The following PRLR variants were observed in gnomAD, a reference collection of about 807,000 sequenced individuals.
PRLR encodes hPRL receptor.
Under a neutral mutation model 40.2 loss-of-function variants are expected in PRLR, and 13 were observed. The ratio of observed to expected loss-of-function variants is 0.32; its 90% CI spans 0.21 to 0.51. The LOEUF (loss-of-function observed/expected upper bound fraction) is 0.51, where lower values mean the gene tolerates loss of function less well. Ranked by LOEUF, PRLR falls within the 20% of genes least tolerant of loss-of-function variation. The pLI, the probability that PRLR is intolerant of heterozygous loss-of-function variation, is 0.97. For missense variants in PRLR, 656 were observed against 747.3 expected (o/e 0.88, Z 1.42); for synonymous variants, 269 against 278.7 (o/e 0.97, Z 0.35).
intron 1 of PRLR, among the ~76,000 whole-genome samples, chr5:35,183,743 A>T (rs1487640311): frequency 6.6e-6 from 1 of 152,206 alleles, no homozygotes; most frequent in African/African-American, 2.4e-5. Flanking sequence ...GCAGATGCAC[A>T]TGTGGGCATG....
At chr5:35,093,368 G>A (rs1341517093) in intron 2 of PRLR, among the ~76,000 whole-genome samples, 1 of 152,158 alleles carries the variant, frequency 6.6e-6, no homozygotes, top group East Asian at 1.9e-4. Flanking sequence ...TCACCTTTAT[G>A]TTCTGGCCTA....
chr5:35,131,755 G>T (rs59924111), intron 1 of PRLR, among the ~76,000 whole-genome samples: 3,071 of 152,256 alleles, frequency 0.02, 121 homozygotes, highest in African/African-American at 0.071. Flanking sequence ...CTCAAGTGAA[G>T]TTATCACAGT....
rs1774262079 is a variant in PRLR at position 35,148,913 on chromosome 5, T to C, written c.-105-30791A>G. 2.6e-5 allele frequency among the ~76,000 whole-genome samples: 4 copies of C among 152,082 alleles called. No homozygotes were observed. In the South Asian group the frequency reaches 8.3e-4, roughly 32 times the overall value. ...AGTTCTAAGGGGTCTTGGAAGTATA[T>C]ATAGATACAGAATTTTAAATATCAA... On this transcript the variant is annotated intron_variant, in intron 1 of 9. Coordinates refer to ENST00000618457, the MANE Select transcript of PRLR (RefSeq NM_000949.7).
intron 1 of PRLR, among the ~76,000 whole-genome samples, chr5:35,131,994 T>C (rs533277513): frequency 6.6e-6 from 1 of 152,292 alleles, no homozygotes; most frequent in South Asian, 2.1e-4. Flanking sequence ...CTTATACCTT[T>C]GGCATTTCCC....
At chr5:35,095,205 G>A (rs1003171345) in intron 2 of PRLR, among the ~76,000 whole-genome samples, 1 of 152,144 alleles carries the variant, frequency 6.6e-6, no homozygotes, top group East Asian at 1.9e-4. Context: ...TGCTCAGGGC[G>A]GGAAGAGGAA....
In PRLR at chr5:35,064,723, C is replaced by G. The variant is rs562971710; in HGVS notation, c.*366G>C. On this transcript the variant is annotated 3_prime_UTR_variant, in exon 10 of 10. Coordinates refer to ENST00000618457, the MANE Select transcript of PRLR (RefSeq NM_000949.7). Reference sequence around the variant, plus strand: ...TGGAAAATTTTCTTTTGTCATCTTTCTATGGTAAACAATTTTGACAATTTC... The same window carrying G: ...TGGAAAATTTTCTTTTGTCATCTTTGTATGGTAAACAATTTTGACAATTTC... The G allele has an allele frequency of 5.8e-6, 1 of 173,304 alleles. No homozygotes were observed. Among genetic ancestry groups the G allele is most frequent in the Non-Finnish European group, 1.2e-5 (1 of 80,918 alleles). 10.7% of individuals were successfully genotyped at this position (173,304 alleles called of 1,614,324 possible). A position where few individuals can be genotyped will look rare whatever the true frequency, so the allele number is the denominator to read the frequency against.
At chr5:35,214,228 T>C (rs113804891) in intron 1 of PRLR, among the ~76,000 whole-genome samples, 21 of 152,324 alleles carry the variant, frequency 1.4e-4, no homozygotes, top group African/African-American at 4.6e-4. Flanking sequence ...TCATCTCCCT[T>C]GAGGAGTTTT....
At chr5:35,226,740 C>T (rs1776563615) in intron 1 of PRLR, among the ~76,000 whole-genome samples, 1 of 152,166 alleles carries the variant, frequency 6.6e-6, no homozygotes, top group Non-Finnish European at 1.5e-5. Flanking sequence ...CCCTCTGTAG[C>T]CTTCAGCCTC....
intron 3 of PRLR, 87 bp downstream of exon 3, chr5:35,089,464 T>C: frequency 1.1e-6 from 1 of 872,220 alleles, no homozygotes; most frequent in South Asian, 1.4e-5. Flanking sequence ...TTTTTCATAA[T>C]GGCATTGCAA....
intron 1 of PRLR, among the ~76,000 whole-genome samples, chr5:35,229,104 T>TA (rs1776625808): frequency 6.7e-6 from 1 of 148,268 alleles, no homozygotes; most frequent in Admixed American, 6.8e-5. Flanking sequence ...CATTAAACAT[T>TA]TATATATATA....
rs553179604 is a variant in PRLR, at chr5:35,185,296, T to C, written c.-106+44972A>G. 2.6e-5 allele frequency among the ~76,000 whole-genome samples: 4 copies of C among 152,338 alleles called. No homozygotes were observed. In the South Asian group the frequency reaches 8.3e-4, roughly 32 times the overall value. On this transcript the variant is annotated intron_variant, in intron 1 of 9. Transcript: ENST00000618457. ...AAGAGCTTACCATTATTTAGAGTTA[T>C]TTTATACAAGGAATGAAATTCTCTT...
chr5:35,070,841 C>CAAAAAAAAAAAAAAAAA (rs34668616), intron 6 of PRLR, among the ~76,000 whole-genome samples: 1 of 69,160 alleles, frequency 1.4e-5, no homozygotes, highest in Non-Finnish European at 3.1e-5. Context: ...AACTCCGTCT[C>CAAAAAAAAAAAAAAAAA]AAAAAAAAAA....
At chr5:35,091,220 C>G (rs577225145) in intron 2 of PRLR, among the ~76,000 whole-genome samples, 74 of 152,212 alleles carry the variant, frequency 4.9e-4, no homozygotes, top group African/African-American at 1.7e-3. Flanking sequence ...TCTACCTGCT[C>G]CTACAAGATT....
chr5:35,119,865 A>G lies in PRLR; in HGVS notation c.-105-1743T>C, dbSNP rs531649401. Among the ~76,000 whole-genome samples, 4 of 152,300 alleles carry G rather than the reference A, an allele frequency of 2.6e-5. No individual in the cohort carries two copies. In the South Asian group the frequency reaches 8.3e-4, roughly 32 times the overall value. The stretch of plus-strand genomic sequence containing the variant: ...GGGGGTGGGACATCTGGAACAGCAG[A>G]TAGCAGCAGTGAGGGCTTCGGGGCA... On this transcript the variant is annotated intron_variant, in intron 1 of 9. Transcript: ENST00000618457.
At chr5:35,072,251 A>T (rs1769793150) in intron 6 of PRLR, among the ~76,000 whole-genome samples, 1 of 152,086 alleles carries the variant, frequency 6.6e-6, no homozygotes, top group Admixed American at 6.6e-5. Context: ...TATGGACGGG[A>T]TATACTGAGA....
At chr5:35,115,598 G>A (rs1238837774) in intron 2 of PRLR, among the ~76,000 whole-genome samples, 1 of 152,178 alleles carries the variant, frequency 6.6e-6, no homozygotes, top group African/African-American at 2.4e-5. Context: ...AGAGTTAAGG[G>A]CAGAAGTGTG....
chr5:35,078,586 A>G (rs896462056), intron 5 of PRLR, among the ~76,000 whole-genome samples: 3 of 152,122 alleles, frequency 2.0e-5, no homozygotes, highest in Non-Finnish European at 4.4e-5. Flanking sequence ...AAAAAAAAAA[A>G]GTCCAGGACC....
intron 1 of PRLR, among the ~76,000 whole-genome samples, chr5:35,145,664 G>C (rs761640448): frequency 2.0e-5 from 3 of 152,134 alleles, no homozygotes; most frequent in Non-Finnish European, 4.4e-5. Flanking sequence ...ATTAACACAG[G>C]GGTCTTAATT....
At chr5:35,139,416 C>A (rs1215589286) in intron 1 of PRLR, among the ~76,000 whole-genome samples, 1 of 152,092 alleles carries the variant, frequency 6.6e-6, no homozygotes, top group African/African-American at 2.4e-5. Flanking sequence ...CTGCACCAGG[C>A]CAGCCCTACA....
Sources: gnomAD v4.1 joint callset for allele counts (sites outside exome capture counted in the v4.1 genomes callset) on GRCh38, gnomAD v4.1.1 for gene constraint, MANE v1.5 for transcripts, NCBI Gene and HGNC (gene_info 2026-07-23, HGNC 2026-07-21) for gene names.